Variants in BASP1 observed in about 807,000 individuals in gnomAD.
BASP1 encodes the protein brain acid soluble protein 1.
BASP1 carries 1 observed loss-of-function variant against 2.2 expected under a neutral mutation model. The observed-to-expected ratio is 0.46, with a 90% CI of 0.16 to 2.17. BASP1 has a LOEUF of 2.17. BASP1 is among the 30% of genes most tolerant of loss of function. BASP1 has a pLI of 0.27. For synonymous variants in BASP1, 187 were observed against 154.2 expected (o/e 1.21, Z -1.58); for missense variants, 352 against 327.2 (o/e 1.08, Z -0.58).
intron 1 of BASP1, among the ~76,000 whole-genome samples, chr5:17,259,332 A>G (rs527677491): frequency 1.1e-4 from 17 of 152,340 alleles, no homozygotes; most frequent in African/African-American, 3.8e-4. Context: ...TCCTCCCAGT[A>G]CACACGGGAA....
intron 1 of BASP1, among the ~76,000 whole-genome samples, chr5:17,230,987 A>C (rs1461946394): frequency 7.5e-6 from 1 of 133,036 alleles, no homozygotes; most frequent in African/African-American, 3.1e-5. Context: ...ATATTGCCTC[A>C]TGAATCCCCA....
chr5:17,229,547 CCCT>C (rs1311423177), intron 1 of BASP1, among the ~76,000 whole-genome samples: 3 of 152,064 alleles, frequency 2.0e-5, no homozygotes, highest in Admixed American at 6.6e-5. Context: ...CCCCTCTGTT[CCCT>C]CCTCACTTTG....
At chr5:17,220,883 C>T (rs1739381748) in intron 1 of BASP1, among the ~76,000 whole-genome samples, 1 of 152,132 alleles carries the variant, frequency 6.6e-6, no homozygotes, top group African/African-American at 2.4e-5. Context: ...CGGAGTATGA[C>T]ATCAGAGAGA....
chr5:17,222,474 T>C (rs1427421945), intron 1 of BASP1, among the ~76,000 whole-genome samples: 1 of 152,154 alleles, frequency 6.6e-6, no homozygotes, highest in Non-Finnish European at 1.5e-5. Context: ...TAGGTAAGTG[T>C]CACATGAGAA....
chr5:17,257,053 G>T (rs1454973339), intron 1 of BASP1, among the ~76,000 whole-genome samples: 1 of 152,176 alleles, frequency 6.6e-6, no homozygotes, highest in Non-Finnish European at 1.5e-5. Flanking sequence ...TGCTGAGGTT[G>T]CTTTAAATAG....
Position 17,275,983 on chromosome 5 carries a change from ATCTCCTCTCTCTCTCTCCTCTCCTATC to A in BASP1, c.*103_*129del, listed in dbSNP as rs1561180458. The stretch of plus-strand genomic sequence containing the variant: ...TCTCTCTCTCTCTATCTCTCTCTCT[ATCTCCTCTCTCTCTCTCCTCTCCTATC>A]TCTCCTCTCTCTCTCTCCTATACTA... On this transcript the variant is annotated 3_prime_UTR_variant, in exon 2 of 2. Coordinates refer to ENST00000322611, the MANE Select transcript of BASP1 (RefSeq NM_006317.5). This position sits in a 1 kb window ranked among gnomAD's most constrained non-coding sequence, Gnocchi z 5.3. 18 of 1,191,498 alleles carry A rather than the reference ATCTCCTCTCTCTCTCTCCTCTCCTATC, an allele frequency of 1.5e-5. No individual in the cohort carries two copies. The highest frequency in any genetic ancestry group is 2.9e-5 in the East Asian group (1 of 34,082). 73.8% of individuals were successfully genotyped at this position (1,191,498 alleles called of 1,614,324 possible). A position where few individuals can be genotyped will look rare whatever the true frequency, so the allele number is the denominator to read the frequency against.
intron 1 of BASP1, among the ~76,000 whole-genome samples, chr5:17,271,535 G>A (rs1561178416): frequency 6.6e-6 from 1 of 152,170 alleles, no homozygotes. Flanking sequence ...TTCAGCATTG[G>A]TCTGAATTTT....
intron 1 of BASP1, among the ~76,000 whole-genome samples, chr5:17,235,810 A>G (rs984124307): frequency 2.4e-4 from 37 of 152,126 alleles, no homozygotes; most frequent in Non-Finnish European, 2.9e-5. Flanking sequence ...ACTAACCACC[A>G]TCTGAAATTG....
At chr5:17,218,620 C>A (rs1739319907) in intron 1 of BASP1, among the ~76,000 whole-genome samples, 1 of 152,034 alleles carries the variant, frequency 6.6e-6, no homozygotes, top group Non-Finnish European at 1.5e-5. Context: ...GGGGTGTGGG[C>A]TTGAACCTGA....
chr5:17,251,698 G>A lies in BASP1; in HGVS notation c.-9-23510G>A, dbSNP rs1338142484. ...GTGGAACATAAGCATTGGATGTGAG[G>A]GTAGCGGTGGTGGTGGTGAAAGTTG... is the stretch of plus-strand genomic sequence containing the variant. On this transcript the variant is annotated intron_variant, in intron 1 of 1. Transcript: ENST00000322611. This position sits in a 1 kb window ranked among gnomAD's most constrained non-coding sequence, Gnocchi z 4.0. Among the ~76,000 whole-genome samples the A allele has an allele frequency of 1.3e-5, 2 of 152,212 alleles. No individual in the cohort carries two copies. The highest frequency in any genetic ancestry group is 2.9e-5 in the Non-Finnish European group (2 of 68,042).
chr5:17,237,621 C>CTTT (rs10607958), intron 1 of BASP1, among the ~76,000 whole-genome samples: 1 of 141,394 alleles, frequency 7.1e-6, no homozygotes, highest in South Asian at 2.2e-4. Flanking sequence ...CCTGACATTG[C>CTTT]TTTTTTTTTT....
chr5:17,221,827 T>C (rs1307496095), intron 1 of BASP1, among the ~76,000 whole-genome samples: 1 of 152,134 alleles, frequency 6.6e-6, no homozygotes, highest in African/African-American at 2.4e-5. Flanking sequence ...TTATGTGTTT[T>C]GGGGTAATGT....
rs1740081116 is a variant in BASP1 at position 17,250,522 on chromosome 5, AGTTT to A, written c.-9-24680_-9-24677del. Among the ~76,000 whole-genome samples the A allele has an allele frequency of 2.0e-5, 3 of 152,314 alleles. No individual in the cohort carries two copies. In the South Asian group the frequency reaches 6.2e-4, roughly 32 times the overall value. On this transcript the variant is annotated intron_variant, in intron 1 of 1. Coordinates refer to ENST00000322611, the MANE Select transcript of BASP1 (RefSeq NM_006317.5). ...ACTCCAAATACTGGTCATTGAGAAA[AGTTT>A]GTTTGAGAGATGATCATAGGGGAAG...
At chr5:17,274,705 A>G (rs1740592111) in intron 1 of BASP1, among the ~76,000 whole-genome samples, 1 of 152,226 alleles carries the variant, frequency 6.6e-6, no homozygotes, top group African/African-American at 2.4e-5. Flanking sequence ...TCAACTGGCT[A>G]TGATTAGAAG....
chr5:17,266,613 CT>C (rs201925224), intron 1 of BASP1, among the ~76,000 whole-genome samples: 4,251 of 152,168 alleles, frequency 0.028, 196 homozygotes, highest in African/African-American at 0.094. Flanking sequence ...TTGAGACTAG[CT>C]TGGCCAACAT....
rs1174351514 is a variant in BASP1 at position 17,275,603 on chromosome 5, G to T, written c.387G>T (p.Pro129=). ...AAGCTGCTGAGGCCGCCGCGGCCCC[G>T]GCCGAGAGCGCGGCCCCTGCCGCCG... The part of the protein sequence containing the change: ...APKAAEAAAA[P]AESAAPAAGE... Residue 129 remains proline (P), a synonymous_variant, in exon 2 of 2, where the codon CCG becomes CCT. Coordinates refer to ENST00000322611, the MANE Select transcript of BASP1 (RefSeq NM_006317.5). The surrounding 1 kb of genome is among the most constrained non-coding windows in gnomAD (Gnocchi z 5.3). 4 of 1,421,424 alleles carry T rather than the reference G, an allele frequency of 2.8e-6. No homozygotes were observed. The highest frequency in any genetic ancestry group is 2.7e-6 in the Non-Finnish European group (3 of 1,091,064). 88.1% of individuals were successfully genotyped at this position (1,421,424 alleles called of 1,614,324 possible).
Position 17,237,387 on chromosome 5 carries a change from A to G in BASP1, c.-10+19577A>G, listed in dbSNP as rs143303275. On this transcript the variant is annotated intron_variant, in intron 1 of 1. Transcript: ENST00000322611. ...AAAAAGAAAGAAAGGTGATAAGGCT[A>G]TCTAATGAAGGACCCAAAGAACTCT... Among the ~76,000 whole-genome samples, 424 of 152,310 alleles carry G rather than the reference A, an allele frequency of 2.8e-3. 3 individuals carry two copies. Among genetic ancestry groups the G allele is most frequent in the African/African-American group, 9.5e-3 (395 of 41,578 alleles).
In BASP1 at chr5:17,251,100, A is replaced by G. The variant is rs1225274748; in HGVS notation, c.-9-24108A>G. Among the ~76,000 whole-genome samples, 1 of 152,228 alleles carries G rather than the reference A, an allele frequency of 6.6e-6. No individual in the cohort carries two copies. The highest frequency in any genetic ancestry group is 1.5e-5 in the Non-Finnish European group (1 of 68,046). On this transcript the variant is annotated intron_variant, in intron 1 of 1. Transcript: ENST00000322611. The surrounding 1 kb of genome is among the most constrained non-coding windows in gnomAD (Gnocchi z 4.0). ...ATCTGGTAGTTGAGGGGTGTGATCA[A>G]GTTTCCAGATTTCAGATATCCAAAA...
intron 1 of BASP1, among the ~76,000 whole-genome samples, chr5:17,224,638 G>A (rs1035812687): frequency 1.3e-5 from 2 of 152,148 alleles, no homozygotes; most frequent in Admixed American, 1.3e-4. Context: ...TAGATTAGAG[G>A]TGCTTCTTGT....
Sources: gnomAD v4.1 joint callset for allele counts (sites outside exome capture counted in the v4.1 genomes callset) on GRCh38, gnomAD v4.1.1 for gene constraint, Gnocchi (gnomAD v3.1) non-coding constraint, MANE v1.5 for transcripts, NCBI Gene and HGNC (gene_info 2026-07-23, HGNC 2026-07-21) for gene names.